Variants in SGCZ observed in about 807,000 individuals in gnomAD.
SGCZ encodes sarcoglycan zeta.
In SGCZ, 40 loss-of-function variants were observed where a neutral mutation model predicts 41.3. The observed-to-expected ratio is 0.97, with a 90% CI of 0.75 to 1.26. The LOEUF is 1.26. SGCZ is among the 50% of genes most tolerant of loss of function. The pLI is 0.00. For synonymous variants in SGCZ, 206 were observed against 137.5 expected (o/e 1.50, Z -3.49); for missense variants, 552 against 369.8 (o/e 1.49, Z -4.04).
intron 2 of SGCZ, among the ~76,000 whole-genome samples, chr8:14,365,475 G>T (rs112194345): frequency 0.02 from 3,086 of 152,132 alleles, 88 homozygotes; most frequent in African/African-American, 0.057. Flanking sequence ...ATTGTGTACA[G>T]TTTTGTTCAT....
At chr8:14,240,315 G>A (rs113881875) in intron 3 of SGCZ, among the ~76,000 whole-genome samples, 26,292 of 119,890 alleles carry the variant, frequency 0.22, 2,667 homozygotes, top group South Asian at 0.31. Flanking sequence ...GTGACAGAGC[G>A]AAACTCTGTG....
At chr8:14,890,626 T>A (rs2130741434) in intron 1 of SGCZ, among the ~76,000 whole-genome samples, 1 of 152,342 alleles carries the variant, frequency 6.6e-6, no homozygotes, top group South Asian at 2.1e-4. Flanking sequence ...AAGTAGACAC[T>A]GCAGTAAGCT....
intron 7 of SGCZ, among the ~76,000 whole-genome samples, chr8:14,097,919 T>C (rs545083184): frequency 2.6e-5 from 4 of 152,320 alleles, no homozygotes; most frequent in Admixed American, 1.3e-4. Flanking sequence ...ACCCCTGCTT[T>C]TTTATTTGAC....
At position 14,702,832 on chromosome 8, in the gene SGCZ, G is replaced by GATAGATAC. The variant is rs1156305724; in HGVS notation, c.40-147907_40-147906insGTATCTAT. On this transcript the variant is annotated intron_variant, in intron 1 of 7. Transcript: ENST00000382080. ...AGTTAGGTAGATAGATAGATAGATA[G>GATAGATAC]ATAGATAGATAGATAGATAGATAGA... Among the ~76,000 whole-genome samples, 187 of 64,126 alleles carry GATAGATAC rather than the reference G, an allele frequency of 2.9e-3. 3 individuals carry two copies. Among genetic ancestry groups the GATAGATAC allele is most frequent in the African/African-American group, 7.7e-3 (179 of 23,376 alleles). 42.1% of individuals were successfully genotyped at this position (64,126 alleles called of 152,430 possible). A position where few individuals can be genotyped will look rare whatever the true frequency, so the allele number is the denominator to read the frequency against.
chr8:14,133,980 T>A (rs954437923), intron 5 of SGCZ, among the ~76,000 whole-genome samples: 2 of 152,214 alleles, frequency 1.3e-5, no homozygotes, highest in Non-Finnish European at 2.9e-5. Context: ...TTTTACTTCC[T>A]ATTTCAAATT....
chr8:14,336,031 C>T (rs1802494456), intron 2 of SGCZ, among the ~76,000 whole-genome samples: 2 of 151,984 alleles, frequency 1.3e-5, no homozygotes, highest in African/African-American at 2.4e-5. Context: ...AATCCTAGTT[C>T]CCAGTAGTTA....
intron 1 of SGCZ, among the ~76,000 whole-genome samples, chr8:14,564,048 T>C (rs1352182669): frequency 6.6e-6 from 1 of 152,222 alleles, no homozygotes; most frequent in Non-Finnish European, 1.5e-5. Flanking sequence ...CTCTAATTTC[T>C]GTTTAGACCT....
intron 5 of SGCZ, among the ~76,000 whole-genome samples, chr8:14,163,529 A>G (rs1263890940): frequency 1.3e-5 from 2 of 152,190 alleles, no homozygotes; most frequent in African/African-American, 2.4e-5. Flanking sequence ...TAATAAATAT[A>G]AAGAGCCAAC....
chr8:14,237,497 A>AACC (rs1554484643), intron 4 of SGCZ, 95 bp downstream of exon 4: 3 of 1,158,652 alleles, frequency 2.6e-6, no homozygotes, highest in Non-Finnish European at 2.5e-6. Context: ...CAACAACAAC[A>AACC]ACAACAACAA....
intron 2 of SGCZ, among the ~76,000 whole-genome samples, chr8:14,496,864 T>A (rs1333428153): frequency 1.3e-5 from 2 of 152,228 alleles, no homozygotes; most frequent in Non-Finnish European, 2.9e-5. Context: ...TAAAGAGTAT[T>A]ATGATATACA....
At chr8:14,575,306 A>T (rs28406832) in intron 1 of SGCZ, among the ~76,000 whole-genome samples, 1 of 152,168 alleles carries the variant, frequency 6.6e-6, no homozygotes, top group African/African-American at 2.4e-5. Context: ...GGCTACTTTG[A>T]GTTGAATGGA....
At position 14,822,022 on chromosome 8, in the gene SGCZ, T is replaced by C. The variant is rs561141844; in HGVS notation, c.40-267096A>G. On this transcript the variant is annotated intron_variant, in intron 1 of 7. Transcript: ENST00000382080. ...TCCAAATTGAAAACAAAGAAGTCAATTGTCCCTGTTGGCAGATGACTTGAT... is the reference window on the plus strand; with the variant it reads ...TCCAAATTGAAAACAAAGAAGTCAACTGTCCCTGTTGGCAGATGACTTGAT... Among the ~76,000 whole-genome samples the C allele has an allele frequency of 1.3e-4, 20 of 151,424 alleles. 1 individual carries two copies. Among genetic ancestry groups the C allele is most frequent in the African/African-American group, 4.4e-4 (18 of 41,208 alleles).
chr8:14,873,931 G>A (rs762011233), intron 1 of SGCZ, among the ~76,000 whole-genome samples: 2 of 152,030 alleles, frequency 1.3e-5, no homozygotes, highest in Non-Finnish European at 1.5e-5. Flanking sequence ...TATAACTCAA[G>A]GAAAGAAAGA....
chr8:14,447,691 T>G (rs1231594608), intron 2 of SGCZ, among the ~76,000 whole-genome samples: 3 of 152,188 alleles, frequency 2.0e-5, no homozygotes, highest in African/African-American at 7.2e-5. Context: ...AGAGTCATTA[T>G]TTTTTAAATG....
intron 2 of SGCZ, among the ~76,000 whole-genome samples, chr8:14,475,361 A>T (rs925051492): frequency 6.6e-6 from 1 of 152,268 alleles, no homozygotes; most frequent in African/African-American, 2.4e-5. Context: ...TGTAAATATA[A>T]ATTTTGTAAT....
At chr8:14,330,355 T>C (rs1407818290) in intron 2 of SGCZ, among the ~76,000 whole-genome samples, 1 of 152,120 alleles carries the variant, frequency 6.6e-6, no homozygotes, top group South Asian at 2.1e-4. Context: ...CAAAACTAAA[T>C]TAATATGCTT....
intron 1 of SGCZ, among the ~76,000 whole-genome samples, chr8:14,980,534 T>C (rs2130879032): frequency 6.6e-6 from 1 of 152,306 alleles, no homozygotes; most frequent in African/African-American, 2.4e-5. Flanking sequence ...TAATTGGACT[T>C]ATGGTTCCAT....
intron 1 of SGCZ, among the ~76,000 whole-genome samples, chr8:15,088,935 T>C (rs779803807): frequency 6.6e-6 from 1 of 152,196 alleles, no homozygotes; most frequent in African/African-American, 2.4e-5. Context: ...TCATTTTCCT[T>C]AGAATTTAAT....
chr8:15,041,843 G>A (rs566127379), intron 1 of SGCZ, among the ~76,000 whole-genome samples: 7 of 151,934 alleles, frequency 4.6e-5, no homozygotes, highest in East Asian at 1.9e-4. Context: ...AACTTACTAC[G>A]CCAAAAGACA....
Sources: gnomAD v4.1 joint callset for allele counts (sites outside exome capture counted in the v4.1 genomes callset) on GRCh38, gnomAD v4.1.1 for gene constraint, MANE v1.5 for transcripts, NCBI Gene and HGNC (gene_info 2026-07-23, HGNC 2026-07-21) for gene names.